SERPINB8: variants seen among roughly 807,000 people sequenced by gnomAD.
The protein encoded by SERPINB8 is serpin B8.
In SERPINB8, 25 loss-of-function variants were observed where a neutral mutation model predicts 35.3. The observed-to-expected ratio is 0.71, with a 90% CI of 0.52 to 0.99. SERPINB8 has a LOEUF of 0.99. Ranked by LOEUF, SERPINB8 falls within the 50% of genes least tolerant of loss-of-function variation. The pLI, the probability that SERPINB8 is intolerant of heterozygous loss-of-function variation, is 0.00. For synonymous variants in SERPINB8, 186 were observed against 160.8 expected, an observed-to-expected ratio of 1.16 and a Z score of -1.19; for missense variants, 484 against 446.5, an observed-to-expected ratio of 1.08 and a Z score of -0.76.
chr18:63,997,454 C>T (rs2050855410), intron 1 of SERPINB8, among the ~76,000 whole-genome samples: 1 of 152,214 alleles, frequency 6.6e-6, no homozygotes, highest in South Asian at 2.1e-4. Context: ...TGAGCCACTG[C>T]CTTCACTTGG....
At chr18:63,980,348 T>C (rs372236247) in intron 3 of SERPINB8, among the ~76,000 whole-genome samples, 4 of 152,362 alleles carry the variant, frequency 2.6e-5, no homozygotes, top group Admixed American at 2.6e-4. Context: ...ATCGTCTTTC[T>C]AAAATGAAAA....
intron 1 of SERPINB8, among the ~76,000 whole-genome samples, chr18:63,978,046 G>A (rs537661359): frequency 2.6e-5 from 4 of 152,086 alleles, no homozygotes; most frequent in Non-Finnish European, 4.4e-5. Context: ...AAGGACGCTC[G>A]TGATTCCATT....
intron 7 of SERPINB8, among the ~76,000 whole-genome samples, chr18:64,017,017 G>A (rs2050953644): frequency 6.6e-6 from 1 of 152,128 alleles, no homozygotes; most frequent in African/African-American, 2.4e-5. Context: ...AAACCTGTCT[G>A]TTCACAGCTC....
intron 1 of SERPINB8, among the ~76,000 whole-genome samples, chr18:63,997,624 C>A (rs1053782938): frequency 6.6e-6 from 1 of 152,204 alleles, no homozygotes; most frequent in Non-Finnish European, 1.5e-5. Flanking sequence ...ATGTGCAAAG[C>A]TTTATAAAGT....
chr18:64,019,471 T>G (rs936248693), exon 8 of SERPINB8: 9 of 152,258 alleles, frequency 5.9e-5, no homozygotes, highest in African/African-American at 2.2e-4. Flanking sequence ...TCCAGATTAT[T>G]GCCAGAACCA....
At chr18:63,972,243 G>A (rs1219722042) in intron 1 of SERPINB8, among the ~76,000 whole-genome samples, 1 of 152,016 alleles carries the variant, frequency 6.6e-6, no homozygotes, top group Admixed American at 6.6e-5. Context: ...TAACGACATA[G>A]TTTTACTGTC....
intron 2 of SERPINB8, 91 bp from the exon 3 acceptor site, chr18:63,979,710 T>C: frequency 6.9e-7 from 1 of 1,458,704 alleles, no homozygotes; most frequent in South Asian, 1.2e-5. Flanking sequence ...GGATCCTGTG[T>C]GGTTTTTTTA....
At chr18:63,973,052 T>C (rs2050517771) in intron 1 of SERPINB8, among the ~76,000 whole-genome samples, 1 of 152,230 alleles carries the variant, frequency 6.6e-6, no homozygotes, top group African/African-American at 2.4e-5. Context: ...TCTAGATCCT[T>C]GAGGAATCGC....
At chr18:63,979,563 A>G (rs1262987074) in intron 2 of SERPINB8, among the ~76,000 whole-genome samples, 7 of 152,116 alleles carry the variant, frequency 4.6e-5, no homozygotes, top group Admixed American at 2.6e-4. Context: ...CATCTAGTGG[A>G]TGGAAGCCAG....
At chr18:64,005,654 G>C (rs1568285407) in exon 2 of SERPINB8, 1 of 152,158 alleles carries the variant, frequency 6.6e-6, no homozygotes, top group Non-Finnish European at 1.5e-5. Context: ...AATTTATGTT[G>C]TTTATAAGCC....
At chr18:64,007,394 C>A (rs887797340), downstream of SERPINB8, among the ~76,000 whole-genome samples, 3 of 151,948 alleles carry the variant, frequency 2.0e-5, no homozygotes, top group Non-Finnish European at 4.4e-5. Flanking sequence ...TTTCAGCAAA[C>A]GAAAAGAAAG....
At position 63,970,176 on chromosome 18, in the gene SERPINB8, G is replaced by A. The variant is rs992246956; in HGVS notation, c.-11+6G>A. 5.8e-6 allele frequency: 2 copies of A among 347,462 alleles called. No homozygotes were observed. Among genetic ancestry groups the A allele is most frequent in the East Asian group, 1.2e-4 (1 of 8,256 alleles). 21.5% of individuals were successfully genotyped at this position (347,462 alleles called of 1,614,324 possible). On this transcript the variant is annotated splice_donor_region_variant and intron_variant, in intron 1 of 6. Coordinates refer to ENST00000397985, the MANE Select transcript of SERPINB8 (RefSeq NM_002640.4). ...AGCAGCAGCAGCAGCAGGAGGTGGG[G>A]GCCTCTGCCAGGTACCGGGCGGGGC...
intron 1 of SERPINB8, among the ~76,000 whole-genome samples, chr18:63,997,361 A>C (rs887316860): frequency 2.0e-5 from 3 of 152,230 alleles, no homozygotes; most frequent in African/African-American, 7.2e-5. Context: ...ACACAGAAGC[A>C]GGTAAAACCC....
In SERPINB8 at chr18:63,989,127, T is replaced by C. The variant is rs1568280347; in HGVS notation, c.*1849T>C. ...ATTAATTTGCATTTTTAAAGAAATT[T>C]ACATACATGGAACCATACATCATCT... On this transcript the variant is annotated 3_prime_UTR_variant, in exon 7 of 7. Transcript: ENST00000397985. The C allele has an allele frequency of 6.6e-6, 1 of 152,238 alleles. No individual in the cohort carries two copies. The highest frequency in any genetic ancestry group is 1.5e-5 in the Non-Finnish European group (1 of 68,034). 9.4% of individuals were successfully genotyped at this position (152,238 alleles called of 1,614,324 possible). A position where few individuals can be genotyped will look rare whatever the true frequency, so the allele number is the denominator to read the frequency against.
chr18:63,980,933 A>T (rs2050660927), intron 3 of SERPINB8, among the ~76,000 whole-genome samples: 1 of 152,180 alleles, frequency 6.6e-6, no homozygotes, highest in Non-Finnish European at 1.5e-5. Flanking sequence ...TGGGTACAGG[A>T]CTTTTCTGAT....
At chr18:63,993,580 G>A (rs1362024152), downstream of SERPINB8, among the ~76,000 whole-genome samples, 3 of 152,212 alleles carry the variant, frequency 2.0e-5, no homozygotes, top group African/African-American at 7.2e-5. Flanking sequence ...TGGTGATAGT[G>A]TTGTTCAGGT....
downstream of SERPINB8, among the ~76,000 whole-genome samples, chr18:64,006,427 T>C (rs952235877): frequency 1.3e-5 from 2 of 152,112 alleles, no homozygotes; most frequent in African/African-American, 4.8e-5. Flanking sequence ...TCATGTGGGA[T>C]TAATGCCCTT....
exon 8 of SERPINB8, chr18:64,019,641 C>T (rs1324067291): frequency 6.6e-6 from 1 of 151,940 alleles, no homozygotes; most frequent in Non-Finnish European, 1.5e-5. Context: ...TATGCCACAG[C>T]AACACTGATC....
rs1404536446 is a variant in SERPINB8, at chr18:63,989,361, T to C, written c.*2083T>C. 6.6e-6 allele frequency: 1 copy of C among 152,224 alleles called. No homozygotes were observed. The highest frequency in any genetic ancestry group is 1.9e-4 in the East Asian group (1 of 5,196). The allele number at this position is 152,224 out of a possible 1,614,324, so 9.4% of individuals were successfully genotyped here. On this transcript the variant is annotated 3_prime_UTR_variant, in exon 7 of 7. Transcript: ENST00000397985. The stretch of plus-strand genomic sequence containing the variant: ...CTATTGAAAATAAAGTTTTTATGAA[T>C]ATTTATATATATACATCTTTGTATG...
Sources: allele counts gnomAD v4.1 joint callset (sites outside exome capture counted in the v4.1 genomes callset), GRCh38; gene constraint gnomAD v4.1.1; transcripts MANE v1.5; gene names NCBI Gene and HGNC (gene_info 2026-07-23, HGNC 2026-07-21).